The following AFF3 variants were observed in gnomAD, a reference collection of about 807,000 sequenced individuals.
AFF3 encodes AF4/FMR2 family member 3.
Under a neutral mutation model 129.7 loss-of-function variants are expected in AFF3, and 32 were observed. That is an observed-to-expected ratio of 0.25 (90% CI 0.19 to 0.33). The LOEUF (loss-of-function observed/expected upper bound fraction) is 0.33, where lower values mean the gene tolerates loss of function less well. Among genes scored for constraint, AFF3 ranks in the 10% least tolerant of loss-of-function variants. The pLI is 1.00. For synonymous variants in AFF3, 644 were observed against 635.4 expected, an observed-to-expected ratio of 1.01 and a Z score of -0.20; for missense variants, 1,373 against 1,592.0, an observed-to-expected ratio of 0.86 and a Z score of 2.34.
chr2:100,030,464 T>C (rs1403354172), intron 4 of AFF3, among the ~76,000 whole-genome samples: 4 of 152,320 alleles, frequency 2.6e-5, no homozygotes, highest in African/African-American at 7.2e-5. Context: ...GGCAAGTTCT[T>C]AGAAACTAAA....
chr2:100,140,978 G>GTGATAA (rs1559142533), intron 1 of AFF3, among the ~76,000 whole-genome samples: 2 of 150,944 alleles, frequency 1.3e-5, no homozygotes, highest in African/African-American at 2.4e-5. Context: ...ACAAAAGGTA[G>GTGATAA]TGATGATGAT....
chr2:99,741,869 G>C (rs1193324263), intron 10 of AFF3, among the ~76,000 whole-genome samples: 1 of 152,106 alleles, frequency 6.6e-6, no homozygotes, highest in Non-Finnish European at 1.5e-5. Flanking sequence ...TACCAAAACA[G>C]AGTATTTCTC....
At chr2:99,970,918 G>C (rs1678305394) in intron 7 of AFF3, among the ~76,000 whole-genome samples, 1 of 152,172 alleles carries the variant, frequency 6.6e-6, no homozygotes, top group Admixed American at 6.5e-5. Context: ...ATGCTCACAA[G>C]GCTTGCACTC....
rs1691054691 is a variant in AFF3, at chr2:100,104,480, G to A, written c.-26C>T. 5.4e-6 allele frequency: 7 copies of A among 1,299,226 alleles called. No homozygotes were observed. The highest frequency in any genetic ancestry group is 1.4e-5 in the South Asian group (1 of 71,954). The allele number at this position is 1,299,226 out of a possible 1,614,324, so 80.5% of individuals were successfully genotyped here. ...GGTGGGAGGTGTCAGCGTCGCCGCC[G>A]CCGCTACCGCCGCCGCCGAGGCTCG... is the stretch of plus-strand genomic sequence containing the variant. On this transcript the variant is annotated 5_prime_UTR_variant, in exon 4 of 25. Coordinates refer to ENST00000672756, the MANE Select transcript of AFF3 (RefSeq NM_001386135.1).
At chr2:99,970,737 G>C (rs1398085995) in intron 7 of AFF3, among the ~76,000 whole-genome samples, 1 of 152,120 alleles carries the variant, frequency 6.6e-6, no homozygotes, top group East Asian at 1.9e-4. Flanking sequence ...GGGCTTTGAC[G>C]TGGAGTTCTT....
chr2:100,114,475 G>A (rs1325703190), intron 2 of AFF3, among the ~76,000 whole-genome samples: 5 of 152,132 alleles, frequency 3.3e-5, no homozygotes, highest in African/African-American at 7.2e-5. Flanking sequence ...TCTGCCTCCC[G>A]AGTTCAAGGG....
chr2:99,704,171 T>C (rs1677143315), intron 11 of AFF3, among the ~76,000 whole-genome samples: 1 of 152,214 alleles, frequency 6.6e-6, no homozygotes, highest in Non-Finnish European at 1.5e-5. Flanking sequence ...AAGAAGCTCA[T>C]GAGATAAAGA....
chr2:99,794,857 C>T (rs756526110), intron 8 of AFF3, among the ~76,000 whole-genome samples: 1 of 152,124 alleles, frequency 6.6e-6, no homozygotes, highest in Non-Finnish European at 1.5e-5. Flanking sequence ...GACTGTTTTC[C>T]AATGTCTGAA....
chr2:100,116,734 T>G (rs887468528), intron 2 of AFF3, among the ~76,000 whole-genome samples: 8 of 152,138 alleles, frequency 5.3e-5, no homozygotes, highest in Non-Finnish European at 4.4e-5. Flanking sequence ...ATAGTTAATT[T>G]TCATTAGCAT....
At chr2:99,916,912 T>C (rs966985988) in intron 7 of AFF3, among the ~76,000 whole-genome samples, 1 of 152,118 alleles carries the variant, frequency 6.6e-6, no homozygotes, top group African/African-American at 2.4e-5. Flanking sequence ...GGGCGGGGAT[T>C]CCTTGGCATC....
intron 7 of AFF3, among the ~76,000 whole-genome samples, chr2:99,974,778 A>G (rs1157733022): frequency 6.6e-6 from 1 of 152,244 alleles, no homozygotes; most frequent in Non-Finnish European, 1.5e-5. Flanking sequence ...AAGGCTAATT[A>G]ATGAGATCTG....
chr2:99,615,685 C>T (rs1681355744), intron 13 of AFF3, among the ~76,000 whole-genome samples: 1 of 152,220 alleles, frequency 6.6e-6, no homozygotes, highest in Non-Finnish European at 1.5e-5. Context: ...ATGGGAGGCG[C>T]TGCCTCTTTG....
chr2:99,998,428 G>C (rs958150842), intron 7 of AFF3, among the ~76,000 whole-genome samples: 13 of 152,250 alleles, frequency 8.5e-5, no homozygotes, highest in South Asian at 8.3e-4. Flanking sequence ...AGAGAGCATA[G>C]AGCATCCCTC....
chr2:99,853,377 C>T (rs1198581582), intron 7 of AFF3, among the ~76,000 whole-genome samples: 1 of 152,144 alleles, frequency 6.6e-6, no homozygotes, highest in Non-Finnish European at 1.5e-5. Context: ...ATTTTTGTTT[C>T]ACCCTTTCTG....
chr2:99,853,555 A>T (rs1321567593), intron 7 of AFF3, among the ~76,000 whole-genome samples: 1 of 152,164 alleles, frequency 6.6e-6, no homozygotes, highest in Non-Finnish European at 1.5e-5. Flanking sequence ...GAGTATCGTA[A>T]TTTTCCAGGC....
At chr2:99,574,077 A>G (rs1338327725) in intron 18 of AFF3, among the ~76,000 whole-genome samples, 1 of 152,204 alleles carries the variant, frequency 6.6e-6, no homozygotes, top group East Asian at 1.9e-4. Flanking sequence ...TAATTATGAT[A>G]CCAAGTAACT....
At chr2:100,137,252 C>A (rs1400446869) in intron 1 of AFF3, among the ~76,000 whole-genome samples, 1 of 152,166 alleles carries the variant, frequency 6.6e-6, no homozygotes, top group African/African-American at 2.4e-5. Context: ...TCCCAAAGAA[C>A]TTCATGATTT....
chr2:99,756,387 G>T (rs1381570665), intron 8 of AFF3, among the ~76,000 whole-genome samples: 2 of 152,186 alleles, frequency 1.3e-5, no homozygotes, highest in Admixed American at 1.3e-4. Flanking sequence ...CTCACAACAG[G>T]TGACCCTGCC....
intron 8 of AFF3, among the ~76,000 whole-genome samples, chr2:99,832,550 C>A (rs958817889): frequency 1.1e-4 from 16 of 152,214 alleles, no homozygotes; most frequent in African/African-American, 3.9e-4. Context: ...AGAAGTGGAG[C>A]CCTTTAGGAA....
Sources: gnomAD v4.1 joint callset for allele counts (sites outside exome capture counted in the v4.1 genomes callset) on GRCh38, gnomAD v4.1.1 for gene constraint, MANE v1.5 for transcripts, NCBI Gene and HGNC (gene_info 2026-07-23, HGNC 2026-07-21) for gene names.